The following EXOC4 variants were observed in gnomAD, a reference collection of about 807,000 sequenced individuals.
EXOC4 encodes exocyst complex component 4, also known as SEC8-like 1.
In EXOC4, 71 loss-of-function variants were observed where a neutral mutation model predicts 107.2. That is an observed-to-expected ratio of 0.66 (90% CI 0.55 to 0.81). The LOEUF is 0.81. Among genes scored for constraint, EXOC4 ranks in the 30% least tolerant of loss-of-function variants. The pLI is 0.00. For synonymous variants in EXOC4, 456 were observed against 441.2 expected (o/e 1.03, Z -0.42); for missense variants, 1,108 against 1,189.6 (o/e 0.93, Z 1.01).
intron 8 of EXOC4, among the ~76,000 whole-genome samples, chr7:133,476,043 C>A (rs1007478587): frequency 1.3e-5 from 2 of 152,066 alleles, no homozygotes; most frequent in African/African-American, 4.8e-5. Context: ...ACAGGTACCA[C>A]TGATTAAGTG....
At chr7:133,377,087 C>T (rs1796506496) in intron 7 of EXOC4, among the ~76,000 whole-genome samples, 1 of 152,160 alleles carries the variant, frequency 6.6e-6, no homozygotes, top group Non-Finnish European at 1.5e-5. Flanking sequence ...AGTGGTGGCT[C>T]ACGCCTGTAA....
chr7:133,833,112 C>T (rs940362189), intron 11 of EXOC4, among the ~76,000 whole-genome samples: 5 of 152,114 alleles, frequency 3.3e-5, no homozygotes, highest in African/African-American at 1.2e-4. Context: ...GCTGTAGACA[C>T]ACTGTTAAAG....
chr7:133,894,294 A>G (rs1490578681), intron 11 of EXOC4, among the ~76,000 whole-genome samples: 3 of 81,766 alleles, frequency 3.7e-5, no homozygotes, highest in Non-Finnish European at 6.5e-5. Context: ...TCCTTTAAGC[A>G]CTTCTCTGTA....
intron 10 of EXOC4, among the ~76,000 whole-genome samples, chr7:133,780,297 A>C (rs1184446013): frequency 7.8e-6 from 1 of 127,476 alleles, no homozygotes; most frequent in Non-Finnish European, 1.7e-5. Flanking sequence ...TTGCTTTTGA[A>C]GAATCTAAAA....
chr7:133,707,331 C>T (rs908514880), intron 10 of EXOC4, among the ~76,000 whole-genome samples: 5 of 151,728 alleles, frequency 3.3e-5, no homozygotes, highest in South Asian at 2.1e-4. Context: ...TGCAGTGAGC[C>T]GAGATCATGC....
chr7:133,568,890 G>A (rs925210510), intron 9 of EXOC4, among the ~76,000 whole-genome samples: 16 of 152,074 alleles, frequency 1.1e-4, no homozygotes, highest in African/African-American at 3.9e-4. Flanking sequence ...TTATTTAGAA[G>A]AACAGATACA....
At chr7:133,568,524 C>T (rs1183333058) in intron 9 of EXOC4, among the ~76,000 whole-genome samples, 1 of 152,060 alleles carries the variant, frequency 6.6e-6, no homozygotes, top group African/African-American at 2.4e-5. Context: ...TGGCAATTAT[C>T]TAGGCATAGG....
In EXOC4 at chr7:134,064,398, T is replaced by G; in HGVS notation, c.2795T>G (p.Leu932Arg). Reference sequence around the variant, plus strand: ...GAGTACATCCACGCTCTGACCCTGCTGCACCGCAGCCAGACTGGGGTGGGG... The same window carrying G: ...GAGTACATCCACGCTCTGACCCTGCGGCACCGCAGCCAGACTGGGGTGGGG... ...ELEYIHALTL[L>R]HRSQTGVGEL... Residue 932 changes from leucine (L) to arginine (R), a missense_variant, in exon 18 of 18, where the codon CTG becomes CGG. By Grantham distance (102) the Leu-to-Arg change is moderately radical. Coordinates refer to ENST00000253861, the MANE Select transcript of EXOC4 (RefSeq NM_021807.4). 6.2e-7 allele frequency: 1 copy of G among 1,606,836 alleles called. No individual in the cohort carries two copies.
intron 11 of EXOC4, among the ~76,000 whole-genome samples, chr7:133,849,056 G>GT: frequency 6.6e-6 from 1 of 152,302 alleles, no homozygotes; most frequent in South Asian, 2.1e-4. Flanking sequence ...GAAGCCTTGA[G>GT]ACTCTGGAAG....
At chr7:133,532,132 A>G (rs908580113) in intron 9 of EXOC4, among the ~76,000 whole-genome samples, 2 of 152,066 alleles carry the variant, frequency 1.3e-5, no homozygotes, top group East Asian at 1.9e-4. Flanking sequence ...ATTTTGGAGC[A>G]CTTTAGATTT....
chr7:133,475,314 AT>A lies in EXOC4; in HGVS notation c.1183-13del, dbSNP rs1443931761. ...TGTGTATATTAACATTAACTGATTT[AT>A]CTGGTTGTACAGATGCTATTAACTG... On this transcript the variant is annotated splice_polypyrimidine_tract_variant and intron_variant, in intron 7 of 17. Transcript: ENST00000253861. The A allele has an allele frequency of 1.3e-6, 2 of 1,590,782 alleles. No individual in the cohort carries two copies. The highest frequency in any genetic ancestry group is 1.8e-5 in the Admixed American group (1 of 56,152).
intron 7 of EXOC4, among the ~76,000 whole-genome samples, chr7:133,469,671 A>G (rs1798823462): frequency 1.3e-5 from 2 of 152,218 alleles, no homozygotes; most frequent in South Asian, 4.1e-4. Flanking sequence ...ATAAAGACAT[A>G]CTGCAAACTC....
rs544997949 is a variant in EXOC4 at position 133,876,811 on chromosome 7, T to TTTTTG, written c.1735-18768_1735-18764dup. ...TTTCAAATCTCATTTCTTTCTTTCTTTTTTGTTTTGTTTTGTTTTGTTTTT... is the reference window on the plus strand; with the variant it reads ...TTTCAAATCTCATTTCTTTCTTTCTTTTTTGTTTTGTTTTGTTTTGTTTTGTTTTT... On this transcript the variant is annotated intron_variant, in intron 11 of 17. Coordinates refer to ENST00000253861, the MANE Select transcript of EXOC4 (RefSeq NM_021807.4). Among the ~76,000 whole-genome samples the TTTTTG allele has an allele frequency of 3.3e-5, 5 of 152,210 alleles. No homozygotes were observed. The South Asian group carries it at 6.2e-4, about 19-fold the overall frequency.
At chr7:133,938,853 A>G (rs1008696329) in intron 14 of EXOC4, among the ~76,000 whole-genome samples, 1 of 152,218 alleles carries the variant, frequency 6.6e-6, no homozygotes, top group South Asian at 2.1e-4. Flanking sequence ...CCCAGGCTGG[A>G]GTGCAGTGGC....
chr7:133,306,106 T>C, intron 4 of EXOC4, 45 bp downstream of exon 4: 1 of 1,459,142 alleles, frequency 6.9e-7, no homozygotes, highest in Non-Finnish European at 9.2e-7. Flanking sequence ...CAGTGTAGGA[T>C]TGGAAGGAAT....
intron 11 of EXOC4, among the ~76,000 whole-genome samples, chr7:133,854,915 A>G (rs1295239876): frequency 6.7e-6 from 1 of 149,014 alleles, no homozygotes; most frequent in Non-Finnish European, 1.5e-5. Context: ...CCTACTTTTT[A>G]TGATTCTCAT....
At chr7:133,562,326 G>A (rs1178315329) in intron 9 of EXOC4, among the ~76,000 whole-genome samples, 2 of 152,098 alleles carry the variant, frequency 1.3e-5, no homozygotes, top group Non-Finnish European at 2.9e-5. Context: ...TTCTCACAGG[G>A]CCCTAGCCTG....
At chr7:133,829,883 C>A (rs968169509) in intron 11 of EXOC4, among the ~76,000 whole-genome samples, 1 of 152,228 alleles carries the variant, frequency 6.6e-6, no homozygotes, top group African/African-American at 2.4e-5. Flanking sequence ...TCATTATGTC[C>A]TTTTTGGATT....
chr7:133,295,407 T>C (rs1794497483), intron 3 of EXOC4, among the ~76,000 whole-genome samples: 1 of 152,136 alleles, frequency 6.6e-6, no homozygotes, highest in South Asian at 2.1e-4. Flanking sequence ...ACATTAAAAA[T>C]ATGTTCATAG....
Sources: gnomAD v4.1 joint callset for allele counts (sites outside exome capture counted in the v4.1 genomes callset) on GRCh38, gnomAD v4.1.1 for gene constraint, MANE v1.5 for transcripts, NCBI Gene and HGNC (gene_info 2026-07-23, HGNC 2026-07-21) for gene names.